The following DHX33 variants were observed in gnomAD, a reference collection of about 807,000 sequenced individuals.
DHX33 encodes the protein ATP-dependent RNA helicase DHX33.
A neutral mutation model predicts 72.5 loss-of-function variants in DHX33; 42 were observed. That is an observed-to-expected ratio of 0.58 (90% CI 0.45 to 0.75). The LOEUF (loss-of-function observed/expected upper bound fraction) is 0.75, where lower values mean the gene tolerates loss of function less well. DHX33 is among the 30% of genes least tolerant of loss of function. The probability of loss-of-function intolerance (pLI) is 0.00; values close to 1 mark genes in which losing one functional copy is unlikely to be tolerated. For synonymous variants in DHX33, 358 were observed against 366.1 expected (o/e 0.98, Z 0.25); for missense variants, 842 against 917.5 (o/e 0.92, Z 1.06).
chr17:5,460,379 T>G (rs1470188625), intron 4 of DHX33, among the ~76,000 whole-genome samples: 2 of 152,086 alleles, frequency 1.3e-5, no homozygotes, highest in Non-Finnish European at 2.9e-5. Context: ...AACATGAAAA[T>G]TTTCTGGCTC....
At chr17:5,458,813 TA>T (rs750315339) in intron 4 of DHX33, among the ~76,000 whole-genome samples, 3 of 152,178 alleles carry the variant, frequency 2.0e-5, no homozygotes, top group Non-Finnish European at 4.4e-5. Flanking sequence ...GATGTTGAAG[TA>T]AAAACAACTG....
chr17:5,448,948 TCA>T (rs1456447243), intron 10 of DHX33, 53 bp from the exon 11 acceptor site: 2 of 1,445,184 alleles, frequency 1.4e-6, no homozygotes, highest in African/African-American at 1.4e-5. Context: ...ATTTATATGT[TCA>T]CAGAGACGGG....
At position 5,444,152 on chromosome 17, in the gene DHX33, A is replaced by T; in HGVS notation, c.*53T>A. ...AACCTGGAAGCCTGCTGTAAGGACAACTGTAGTCCAAGCTCCCAGGGACCA... is the reference window on the plus strand; with the variant it reads ...AACCTGGAAGCCTGCTGTAAGGACATCTGTAGTCCAAGCTCCCAGGGACCA... On this transcript the variant is annotated 3_prime_UTR_variant, in exon 12 of 12. Coordinates refer to ENST00000225296, the MANE Select transcript of DHX33 (RefSeq NM_020162.4). This position sits in a 1 kb window ranked among gnomAD's most constrained non-coding sequence, Gnocchi z 4.9. 6.4e-7 allele frequency: 1 copy of T among 1,569,968 alleles called. No homozygotes were observed. Among genetic ancestry groups the T allele is most frequent in the Non-Finnish European group, 8.7e-7 (1 of 1,155,508 alleles).
At chr17:5,460,116 G>A (rs1053278204) in intron 4 of DHX33, among the ~76,000 whole-genome samples, 6 of 151,286 alleles carry the variant, frequency 4.0e-5, no homozygotes, top group East Asian at 3.9e-4. Context: ...CTGGGTTCGC[G>A]CCATTCTCTT....
chr17:5,452,294 C>T (rs1916960306), intron 8 of DHX33, among the ~76,000 whole-genome samples: 1 of 151,846 alleles, frequency 6.6e-6, no homozygotes, highest in Non-Finnish European at 1.5e-5. Context: ...AATCCCAGCA[C>T]TTTGGGAGAC....
chr17:5,468,475 C>T, intron 1 of DHX33, 96 bp downstream of exon 1: 2 of 1,438,434 alleles, frequency 1.4e-6, no homozygotes, highest in Non-Finnish European at 9.3e-7. Context: ...TTTGTTGAAG[C>T]CACGAACGAA....
chr17:5,451,464 A>G (rs1916910015), intron 8 of DHX33, among the ~76,000 whole-genome samples: 1 of 152,156 alleles, frequency 6.6e-6, no homozygotes, highest in Non-Finnish European at 1.5e-5. Flanking sequence ...TTGAATATAC[A>G]CATTAAAAGT....
rs1917172515 is a variant in DHX33 at position 5,455,992 on chromosome 17, C to T, written c.1035+5G>A. ...AGGGCTGGACAGAAGAGGTGGTGCA[C>T]TCACCTTTGGGGCCCCTTGGAAGAC... On this transcript the variant is annotated splice_donor_5th_base_variant and intron_variant, in intron 5 of 11. Coordinates refer to ENST00000225296, the MANE Select transcript of DHX33 (RefSeq NM_020162.4). 1 of 1,611,110 alleles carries T rather than the reference C, an allele frequency of 6.2e-7. No homozygotes were observed. The highest frequency in any genetic ancestry group is 8.5e-7 in the Non-Finnish European group (1 of 1,179,410).
Position 5,453,854 on chromosome 17 carries a change from T to C in DHX33, c.1274A>G (p.Lys425Arg). ...YRLYTEDEFEKFDKMTVPEIQ... is the reference protein window; with the variant it reads ...YRLYTEDEFERFDKMTVPEIQ... ...CTCTGGCACGGTCATCTTATCAAAC[T>C]TCTCAAACTCGTCCTCCGTGTAGAG... Residue 425 changes from lysine to arginine, a missense_variant, in exon 7 of 12, where the codon AAG becomes AGG. By Grantham distance (26) the Lys-to-Arg change is conservative. Coordinates refer to ENST00000225296, the MANE Select transcript of DHX33 (RefSeq NM_020162.4). The C allele has an allele frequency of 6.2e-7, 1 of 1,614,140 alleles. No homozygotes were observed. Among genetic ancestry groups the C allele is most frequent in the South Asian group, 1.1e-5 (1 of 91,080 alleles).
chr17:5,442,264 T>A lies in DHX33; in HGVS notation c.*1941A>T, dbSNP rs952821463. 1.3e-5 allele frequency: 2 copies of A among 150,792 alleles called. No homozygotes were observed. Among genetic ancestry groups the A allele is most frequent in the African/African-American group, 4.9e-5 (2 of 41,106 alleles). 9.3% of individuals were successfully genotyped at this position (150,792 alleles called of 1,614,324 possible). A position where few individuals can be genotyped will look rare whatever the true frequency, so the allele number is the denominator to read the frequency against. On this transcript the variant is annotated 3_prime_UTR_variant, in exon 12 of 12. Coordinates refer to ENST00000225296, the MANE Select transcript of DHX33 (RefSeq NM_020162.4). ...GCCACCCCCCAATTTTTTTTTTTTT[T>A]TTTTTTTTTTTACCAGCACTATGAA...
intron 4 of DHX33, among the ~76,000 whole-genome samples, chr17:5,459,068 T>C (rs897953644): frequency 6.6e-5 from 10 of 151,938 alleles, no homozygotes; most frequent in Non-Finnish European, 1.5e-5. Flanking sequence ...GGTGTACTGG[T>C]GTGTGCCTGT....
chr17:5,449,783 T>A (rs1367702358), intron 10 of DHX33, among the ~76,000 whole-genome samples: 10 of 152,210 alleles, frequency 6.6e-5, no homozygotes, highest in Non-Finnish European at 1.3e-4. Flanking sequence ...CATGACTACA[T>A]GTTTCATGAA....
rs776510199 is a variant in DHX33, at chr17:5,453,897, T to C, written c.1231A>G (p.Ser411Gly). ...GTGTAGAGCCGGTAGCAGATGCCAC[T>C]GTCCTCTCTGCCAGCCCTCCCTGTG... Reference protein sequence around the residue: ...QRTGRAGREDSGICYRLYTED... With the variant: ...QRTGRAGREDGGICYRLYTED... The change falls in exon 7 of 12, where the codon AGT (serine) becomes GGT (glycine). Residue 411 changes from serine to glycine, a missense_variant. Transcript: ENST00000225296. The C allele has an allele frequency of 2.5e-6, 4 of 1,604,488 alleles. No individual in the cohort carries two copies. The highest frequency in any genetic ancestry group is 3.4e-5 in the Admixed American group (2 of 59,102).
intron 1 of DHX33, 147 bp downstream of exon 1, chr17:5,468,424 C>T: frequency 8.9e-7 from 1 of 1,120,408 alleles, no homozygotes; most frequent in South Asian, 1.6e-5. Flanking sequence ...GACTCTTCTT[C>T]GAGGCCCCTC....
chr17:5,455,401 A>G, intron 5 of DHX33, 130 bp from the exon 6 acceptor site: 1 of 743,772 alleles, frequency 1.3e-6, no homozygotes, highest in Non-Finnish European at 2.3e-6. Flanking sequence ...TATTAATGGC[A>G]GTCATTAATA....
rs1455253546 is a variant in DHX33 at position 5,456,176 on chromosome 17, G to A, written c.856C>T (p.Pro286Ser). ...VSVFQIHQEA[P>S]SSQDILVFLT... ...AACACCAGGATGTCCTGTGAAGAAG[G>A]GGCTTCCTGTAAAAAAAGTAGAGTG... The change falls in exon 5 of 12, where the codon CCT becomes TCT. Residue 286 changes from proline to serine, a missense_variant. Physicochemically the swap from Pro to Ser is moderately conservative, Grantham distance 74. Coordinates refer to ENST00000225296, the MANE Select transcript of DHX33 (RefSeq NM_020162.4). 6.2e-7 allele frequency: 1 copy of A among 1,613,512 alleles called. No individual in the cohort carries two copies. The highest frequency in any genetic ancestry group is 1.3e-5 in the African/African-American group (1 of 74,918).
rs758805514 is a variant in DHX33, at chr17:5,453,560, A to T, written c.1396+20T>A. 1 of 1,611,952 alleles carries T rather than the reference A, an allele frequency of 6.2e-7. No homozygotes were observed. The highest frequency in any genetic ancestry group is 1.7e-5 in the Admixed American group (1 of 60,014). ...TTTGTCTCCTCACCCACCTTCTGCAAAACTGTGGATTTCACTTACCTGGAG... is the reference window on the plus strand; with the variant it reads ...TTTGTCTCCTCACCCACCTTCTGCATAACTGTGGATTTCACTTACCTGGAG... On this transcript the variant is annotated intron_variant, in intron 8 of 11. Transcript: ENST00000225296.
chr17:5,466,265 A>G (rs775180065), intron 1 of DHX33, among the ~76,000 whole-genome samples: 4 of 152,258 alleles, frequency 2.6e-5, no homozygotes, highest in Admixed American at 6.5e-5. Context: ...ATGTTAGATA[A>G]TATCACCCAA....
chr17:5,454,868 T>C (rs1325587831), intron 6 of DHX33, among the ~76,000 whole-genome samples: 3 of 152,202 alleles, frequency 2.0e-5, no homozygotes, highest in Non-Finnish European at 4.4e-5. Flanking sequence ...CAGCTGTCCC[T>C]GGCCTTAGAG....
Sources: allele counts gnomAD v4.1 joint callset (sites outside exome capture counted in the v4.1 genomes callset), GRCh38; gene constraint gnomAD v4.1.1; non-coding constraint Gnocchi (gnomAD v3.1); transcripts MANE v1.5; gene names NCBI Gene and HGNC (gene_info 2026-07-23, HGNC 2026-07-21).